The following SPATA22 variants were observed in gnomAD, a reference collection of about 807,000 sequenced individuals.
The protein encoded by SPATA22 is spermatogenesis-associated protein 22.
SPATA22 carries 29 observed loss-of-function variants against 47.8 expected under a neutral mutation model. The ratio of observed to expected loss-of-function variants is 0.61; its 90% CI spans 0.45 to 0.83. SPATA22 has a LOEUF of 0.83. Among genes scored for constraint, SPATA22 ranks in the 40% least tolerant of loss-of-function variants. SPATA22 has a pLI of 0.00. For missense variants in SPATA22, 410 were observed against 421.7 expected (o/e 0.97, Z 0.24); for synonymous variants, 133 against 140.9 (o/e 0.94, Z 0.40).
chr17:3,451,385 TTAA>T (rs1194178710), intron 5 of SPATA22, among the ~76,000 whole-genome samples: 2 of 152,226 alleles, frequency 1.3e-5, no homozygotes, highest in East Asian at 1.9e-4. Flanking sequence ...TACTCCACTT[TTAA>T]TAATAGATAA....
At chr17:3,511,718 T>G (rs1027688040) in intron 1 of SPATA22, 1 of 152,218 alleles carries the variant, frequency 6.6e-6, no homozygotes, top group Non-Finnish European at 1.5e-5. Context: ...CATTCCCCAC[T>G]TGGACAAAAG....
chr17:3,481,614 C>G, intron 1 of SPATA22: 1 of 1,613,382 alleles, frequency 6.2e-7, no homozygotes, highest in Non-Finnish European at 8.5e-7. Context: ...AAAAAAATGT[C>G]AGAAGATTTG....
At chr17:3,476,354 T>C (rs1252665222), upstream of SPATA22, 1 of 1,614,140 alleles carries the variant, frequency 6.2e-7, no homozygotes, top group South Asian at 1.1e-5. Context: ...CCAGATATAT[T>C]GACTGTGACC....
At chr17:3,469,064 A>G in intron 2 of SPATA22, among the ~76,000 whole-genome samples, 1 of 152,210 alleles carries the variant, frequency 6.6e-6, no homozygotes, top group Non-Finnish European at 1.5e-5. Flanking sequence ...ATTTGTAGAA[A>G]GAATATCAAA....
chr17:3,484,435 G>A (rs1461246644), intron 1 of SPATA22, among the ~76,000 whole-genome samples: 1 of 152,168 alleles, frequency 6.6e-6, no homozygotes, highest in Non-Finnish European at 1.5e-5. Context: ...GACTGGAAGA[G>A]CAGGAAAGAC....
At chr17:3,484,540 A>G (rs543469247) in intron 1 of SPATA22, among the ~76,000 whole-genome samples, 266 of 152,306 alleles carry the variant, frequency 1.7e-3, no homozygotes, top group Non-Finnish European at 2.3e-3. Flanking sequence ...AAAGGAAAAA[A>G]ATTGAGAGCA....
chr17:3,467,127 A>T (rs2073332157), intron 3 of SPATA22, among the ~76,000 whole-genome samples: 1 of 152,208 alleles, frequency 6.6e-6, no homozygotes, highest in African/African-American at 2.4e-5. Flanking sequence ...TATAGGCTAT[A>T]ACACAATATC....
At chr17:3,471,369 T>A (rs890708524) in intron 1 of SPATA22, 1 of 951,774 alleles carries the variant, frequency 1.1e-6, no homozygotes, top group Non-Finnish European at 1.3e-6. Flanking sequence ...AACAACAAAA[T>A]TTTTAAGTGT....
intron 5 of SPATA22, among the ~76,000 whole-genome samples, chr17:3,455,411 G>C (rs1248681571): frequency 3.3e-5 from 5 of 150,482 alleles, no homozygotes; most frequent in African/African-American, 7.3e-5. Context: ...TTTTCTTCTA[G>C]GGTTTTTATG....
At chr17:3,466,190 C>T (rs1377312646) in intron 3 of SPATA22, among the ~76,000 whole-genome samples, 2 of 149,400 alleles carry the variant, frequency 1.3e-5, no homozygotes, top group African/African-American at 5.0e-5. Flanking sequence ...ATGAAATTAA[C>T]AATACAAGTA....
At chr17:3,508,277 T>C (rs539496655) in intron 1 of SPATA22, among the ~76,000 whole-genome samples, 6 of 150,934 alleles carry the variant, frequency 4.0e-5, no homozygotes, top group South Asian at 4.2e-4. Flanking sequence ...TGTGGAGAAA[T>C]AGGAACACTT....
In SPATA22 at chr17:3,485,717, C is replaced by T. The variant is rs570440551; in HGVS notation, c.-73-16319G>A. On this transcript the variant is annotated intron_variant, in intron 1 of 8. Transcript: ENST00000541913. The surrounding 1 kb of genome is among the most constrained non-coding windows in gnomAD (Gnocchi z 4.4). ...CTGTCAAAGATCTGAGAAATTTTAC[C>T]CGACTTACAAGCTAACCATTAGCCT... Among the ~76,000 whole-genome samples the T allele has an allele frequency of 1.1e-4, 16 of 152,232 alleles. No homozygotes were observed. Among genetic ancestry groups the T allele is most frequent in the Non-Finnish European group, 8.8e-5 (6 of 68,026 alleles).
At chr17:3,463,186 A>G (rs1401393903) in intron 3 of SPATA22, among the ~76,000 whole-genome samples, 1 of 152,232 alleles carries the variant, frequency 6.6e-6, no homozygotes, top group East Asian at 1.9e-4. Flanking sequence ...AACTTCATCA[A>G]ATCTTATCCT....
upstream of SPATA22, among the ~76,000 whole-genome samples, chr17:3,473,678 A>G (rs574167605): frequency 1.4e-4 from 22 of 152,218 alleles, no homozygotes; most frequent in African/African-American, 5.1e-4. Flanking sequence ...TTGTATTTTT[A>G]GTAGAGACGG....
intron 1 of SPATA22, among the ~76,000 whole-genome samples, chr17:3,510,137 G>A (rs1455102953): frequency 6.6e-6 from 1 of 152,232 alleles, no homozygotes; most frequent in East Asian, 1.9e-4. Flanking sequence ...ATGGTAGTTT[G>A]TTTTGCTGTG....
intron 3 of SPATA22, among the ~76,000 whole-genome samples, chr17:3,465,752 T>C (rs113357553): frequency 8.2e-5 from 12 of 145,626 alleles, no homozygotes; most frequent in South Asian, 4.4e-4. Context: ...TCCCCCTCTG[T>C]GAGAAACACC....
chr17:3,483,552 C>T, intron 1 of SPATA22: 8 of 1,614,170 alleles, frequency 5.0e-6, no homozygotes, highest in Non-Finnish European at 6.8e-6. Context: ...ATCCTTCCCT[C>T]AAATATGCGA....
chr17:3,460,973 C>G (rs1367422236), intron 5 of SPATA22, among the ~76,000 whole-genome samples: 3 of 152,090 alleles, frequency 2.0e-5, no homozygotes, highest in Non-Finnish European at 2.9e-5. Context: ...TTGTCCATAT[C>G]CTAATACTGG....
Position 3,446,448 on chromosome 17 carries a change from G to A in SPATA22, c.802+24C>T, listed in dbSNP as rs778971061. On this transcript the variant is annotated intron_variant, in intron 7 of 8. Coordinates refer to ENST00000572969, the MANE Select transcript of SPATA22 (RefSeq NM_001170698.2). ...CTGTCCTCCAGAGAGTATTACTGAA[G>A]TATTTTTAAAGTATTTTACCTACCT... 2.3e-5 allele frequency: 37 copies of A among 1,591,124 alleles called. 2 individuals carry two copies. In the South Asian group the frequency reaches 3.7e-4, roughly 16 times the overall value.
Sources: allele counts gnomAD v4.1 joint callset (sites outside exome capture counted in the v4.1 genomes callset), GRCh38; gene constraint gnomAD v4.1.1; non-coding constraint Gnocchi (gnomAD v3.1); transcripts MANE v1.5; gene names NCBI Gene and HGNC (gene_info 2026-07-23, HGNC 2026-07-21).